TLK1: variants seen among roughly 807,000 people sequenced by gnomAD.
TLK1 encodes the protein tousled like kinase 1.
TLK1 carries 24 observed loss-of-function variants against 105.3 expected under a neutral mutation model. The observed-to-expected ratio is 0.23, with a 90% CI of 0.17 to 0.32. TLK1 has a LOEUF of 0.32. Among genes scored for constraint, TLK1 ranks in the 10% least tolerant of loss-of-function variants. TLK1 has a pLI of 1.00. For missense variants in TLK1, 558 were observed against 910.5 expected, an observed-to-expected ratio of 0.61 and a Z score of 4.98; for synonymous variants, 321 against 310.4, an observed-to-expected ratio of 1.03 and a Z score of -0.36.
At chr2:171,070,258 A>C (rs886210990) in intron 3 of TLK1, among the ~76,000 whole-genome samples, 4 of 34,772 alleles carry the variant, frequency 1.2e-4, no homozygotes, top group African/African-American at 2.0e-4. Flanking sequence ...TACAGTTGTT[A>C]CAAACAACTG....
intron 2 of TLK1, among the ~76,000 whole-genome samples, chr2:171,115,128 G>C (rs541240680): frequency 2.7e-5 from 4 of 149,844 alleles, no homozygotes; most frequent in Non-Finnish European, 5.9e-5. Flanking sequence ...TATCTTTCAA[G>C]TACTGCATCA....
At chr2:171,025,497 C>T (rs1162147597) in intron 12 of TLK1, among the ~76,000 whole-genome samples, 1 of 152,104 alleles carries the variant, frequency 6.6e-6, no homozygotes, top group Non-Finnish European at 1.5e-5. Context: ...AAGAGTATGC[C>T]AGGCTCCAAA....
rs1348668587 is a variant in TLK1 at position 171,026,141 on chromosome 2, G to C, written c.1236+2198C>G. Among the ~76,000 whole-genome samples, 3 of 151,674 alleles carry C rather than the reference G, an allele frequency of 2.0e-5. No individual in the cohort carries two copies. In the East Asian group the frequency reaches 5.8e-4, roughly 29 times the overall value. On this transcript the variant is annotated intron_variant, in intron 12 of 20. Coordinates refer to ENST00000431350, the MANE Select transcript of TLK1 (RefSeq NM_012290.5). ...TGCTCAGTAAATTTGATAAAAGCTAGGAAAAAAAGCAGGAAAAAGATTATG... is the reference window on the plus strand; with the variant it reads ...TGCTCAGTAAATTTGATAAAAGCTACGAAAAAAAGCAGGAAAAAGATTATG...
intron 1 of TLK1, among the ~76,000 whole-genome samples, chr2:171,138,130 TA>T (rs1691415659): frequency 6.6e-6 from 1 of 152,142 alleles, no homozygotes; most frequent in Admixed American, 6.6e-5. Context: ...GGGGTAGAGA[TA>T]GGGGTTGTAA....
intron 1 of TLK1, among the ~76,000 whole-genome samples, chr2:171,201,832 C>T (rs1286785846): frequency 6.6e-6 from 1 of 152,166 alleles, no homozygotes; most frequent in Non-Finnish European, 1.5e-5. Flanking sequence ...GCAGTGAGAA[C>T]CTCAGCTCTG....
At chr2:171,162,034 C>T (rs771523173), upstream of TLK1, among the ~76,000 whole-genome samples, 1 of 152,120 alleles carries the variant, frequency 6.6e-6, no homozygotes, top group Non-Finnish European at 1.5e-5. Context: ...TTTATGACTT[C>T]GCATTTCTCA....
chr2:171,218,021 A>T (rs1248244841), intron 1 of TLK1, among the ~76,000 whole-genome samples: 5 of 152,206 alleles, frequency 3.3e-5, no homozygotes, highest in African/African-American at 1.2e-4. Context: ...TGGGAGGCGG[A>T]GGCGGGCAGA....
chr2:171,008,263 G>C (rs1447661742), intron 14 of TLK1, among the ~76,000 whole-genome samples: 1 of 152,030 alleles, frequency 6.6e-6, no homozygotes, highest in African/African-American at 2.4e-5. Context: ...CAAAAGTTAG[G>C]GTTATTGAGA....
intron 12 of TLK1, among the ~76,000 whole-genome samples, chr2:171,015,173 A>C (rs1342353572): frequency 6.6e-6 from 1 of 152,086 alleles, no homozygotes; most frequent in African/African-American, 2.4e-5. Context: ...TCTATACCTA[A>C]TGAGATGCTG....
chr2:171,197,874 A>C (rs1203344941), intron 1 of TLK1, among the ~76,000 whole-genome samples: 1 of 152,202 alleles, frequency 6.6e-6, no homozygotes, highest in Non-Finnish European at 1.5e-5. Flanking sequence ...TTCTAAAATT[A>C]AAATGTGGGG....
At chr2:171,005,964 T>TA (rs751272170) in intron 18 of TLK1, among the ~76,000 whole-genome samples, 183 bp downstream of exon 18, 3 of 152,116 alleles carry the variant, frequency 2.0e-5, no homozygotes, top group Non-Finnish European at 4.4e-5. Flanking sequence ...TTATTTGCAG[T>TA]TAAGAACAGA....
intron 18 of TLK1, among the ~76,000 whole-genome samples, chr2:170,999,792 C>A (rs914946261): frequency 3.9e-5 from 6 of 152,028 alleles, no homozygotes; most frequent in African/African-American, 1.5e-4. Flanking sequence ...CCGGGTCTCA[C>A]TGTGTTGCCC....
chr2:171,009,021 C>G (rs971884295), intron 14 of TLK1, among the ~76,000 whole-genome samples: 2 of 152,108 alleles, frequency 1.3e-5, no homozygotes, highest in Admixed American at 1.3e-4. Flanking sequence ...TTATGGTAAG[C>G]CTACTTCACC....
chr2:171,024,775 T>C (rs1441188050), intron 12 of TLK1, among the ~76,000 whole-genome samples: 1 of 152,156 alleles, frequency 6.6e-6, no homozygotes, highest in East Asian at 1.9e-4. Flanking sequence ...CACTCAAAAA[T>C]GGTGAAAGCT....
rs1325761728 is a variant in TLK1, at chr2:171,046,019, G to A, written c.1169+155C>T. The A allele has an allele frequency of 2.7e-5, 15 of 562,598 alleles. 1 individual carries two copies. The East Asian group carries it at 4.1e-4, about 15-fold the overall frequency. 34.9% of individuals were successfully genotyped at this position (562,598 alleles called of 1,614,324 possible). ...AAAACGGTAGAATTCAGATATTTGGGGCTATTAATTTAGAGCTAAATTTTC... is the reference window on the plus strand; with the variant it reads ...AAAACGGTAGAATTCAGATATTTGGAGCTATTAATTTAGAGCTAAATTTTC... On this transcript the variant is annotated intron_variant, in intron 11 of 20. Transcript: ENST00000431350.
intron 3 of TLK1, among the ~76,000 whole-genome samples, chr2:171,074,588 T>C (rs898365621): frequency 3.5e-5 from 5 of 144,056 alleles, no homozygotes; most frequent in African/African-American, 7.8e-5. Flanking sequence ...GATCGTGCCA[T>C]TGCACTCCAA....
intron 1 of TLK1, among the ~76,000 whole-genome samples, chr2:171,171,786 A>C (rs368311246): frequency 6.6e-6 from 1 of 152,234 alleles, no homozygotes; most frequent in South Asian, 2.1e-4. Context: ...AAAATGAAAA[A>C]TATGAAATGT....
intron 1 of TLK1, among the ~76,000 whole-genome samples, chr2:171,131,452 G>A (rs1470773630): frequency 6.6e-6 from 1 of 152,152 alleles, no homozygotes; most frequent in Non-Finnish European, 1.5e-5. Flanking sequence ...CCAAAACAGA[G>A]TGGCAGATGC....
At position 170,991,199 on chromosome 2, in the gene TLK1, T is replaced by C. The variant is rs1345230428; in HGVS notation, c.*2581A>G. 6.6e-6 allele frequency: 1 copy of C among 152,152 alleles called. No individual in the cohort carries two copies. Among genetic ancestry groups the C allele is most frequent in the Non-Finnish European group, 1.5e-5 (1 of 68,028 alleles). The allele number at this position is 152,152 out of a possible 1,614,324, so 9.4% of individuals were successfully genotyped here. A position where few individuals can be genotyped will look rare whatever the true frequency, so the allele number is the denominator to read the frequency against. On this transcript the variant is annotated 3_prime_UTR_variant, in exon 21 of 21. Coordinates refer to ENST00000431350, the MANE Select transcript of TLK1 (RefSeq NM_012290.5). ...TTTACCCTACATCAGTGCTGACTCT[T>C]AATAAAAGAGAGGCCTTGGCTATCA...
Sources: allele counts gnomAD v4.1 joint callset (sites outside exome capture counted in the v4.1 genomes callset), GRCh38; gene constraint gnomAD v4.1.1; transcripts MANE v1.5; gene names NCBI Gene and HGNC (gene_info 2026-07-23, HGNC 2026-07-21).